SLC8B1: variants seen among roughly 807,000 people sequenced by gnomAD.
The protein encoded by SLC8B1 is solute carrier family 8 member B1, also known as mitochondrial sodium/calcium exchanger protein.
Under a neutral mutation model 63.4 loss-of-function variants are expected in SLC8B1, and 52 were observed. That is an observed-to-expected ratio of 0.82 (90% CI 0.66 to 1.03). SLC8B1 has a LOEUF of 1.03. Among genes scored for constraint, SLC8B1 ranks in the 50% least tolerant of loss-of-function variants. The pLI is 0.00. For synonymous variants in SLC8B1, 336 were observed against 323.9 expected, an observed-to-expected ratio of 1.04 and a Z score of -0.40; for missense variants, 657 against 741.7, an observed-to-expected ratio of 0.89 and a Z score of 1.33.
chr12:113,328,757 T>C (rs1438459814), intron 2 of SLC8B1, among the ~76,000 whole-genome samples: 1 of 151,512 alleles, frequency 6.6e-6, no homozygotes, highest in African/African-American at 2.4e-5. Context: ...TTTTTTTTTT[T>C]TTTTCCTTTT....
At chr12:113,327,861 G>A (rs1411328392) in intron 2 of SLC8B1, among the ~76,000 whole-genome samples, 3 of 150,636 alleles carry the variant, frequency 2.0e-5, no homozygotes, top group Non-Finnish European at 4.4e-5. Flanking sequence ...GTCTGTAATC[G>A]CAGCTACTTG....
chr12:113,309,429 A>G (rs990164672), intron 12 of SLC8B1, among the ~76,000 whole-genome samples: 1 of 152,172 alleles, frequency 6.6e-6, no homozygotes, highest in Non-Finnish European at 1.5e-5. Flanking sequence ...GACACCCACA[A>G]AGGCCATCCC....
At chr12:113,321,473 G>T in intron 2 of SLC8B1, 125 bp from the exon 3 acceptor site, 2 of 1,230,174 alleles carry the variant, frequency 1.6e-6, no homozygotes, top group Non-Finnish European at 1.1e-6. Context: ...TACCCTCTGG[G>T]TGCCAACTAT....
rs964382768 is a variant in SLC8B1, at chr12:113,319,838, G to T, written c.694+493C>A. On this transcript the variant is annotated intron_variant, in intron 7 of 15. Coordinates refer to ENST00000680972, the MANE Select transcript of SLC8B1 (RefSeq NM_001358345.2). ...AGAGTCTTGCTCTGTTGCCCAGGCT[G>T]GAGTGCCATGGCACAATCATGGGTC... The T allele has an allele frequency of 3.8e-5, 6 of 157,768 alleles. No individual in the cohort carries two copies. The South Asian group carries it at 1.1e-3, about 30-fold the overall frequency. 9.8% of individuals were successfully genotyped at this position (157,768 alleles called of 1,614,324 possible).
rs148148745 is a variant in SLC8B1, at chr12:113,299,465, C to T, written c.*312G>A. 1,049 of 349,656 alleles carry T rather than the reference C, an allele frequency of 3.0e-3. 7 individuals are homozygous for T. Among genetic ancestry groups the T allele is most frequent in the African/African-American group, 0.019 (919 of 47,858 alleles). 21.7% of individuals were successfully genotyped at this position (349,656 alleles called of 1,614,324 possible). ...CTGGAGCACATCCAGCCATCCCCTTCCCCCAAACTCCAGCCCTTCTCAGAG... is the reference window on the plus strand; with the variant it reads ...CTGGAGCACATCCAGCCATCCCCTTTCCCCAAACTCCAGCCCTTCTCAGAG... On this transcript the variant is annotated 3_prime_UTR_variant, in exon 16 of 16. Transcript: ENST00000680972.
chr12:113,307,624 TGG>T, intron 13 of SLC8B1, 65 bp downstream of exon 13: 1 of 1,559,252 alleles, frequency 6.4e-7, no homozygotes, highest in Non-Finnish European at 8.7e-7. Context: ...CGACTCTGGC[TGG>T]GGGAGGAAAG....
chr12:113,305,170 G>A lies in SLC8B1; in HGVS notation c.1493-785C>T, dbSNP rs1370360357. 6.6e-6 allele frequency among the ~76,000 whole-genome samples: 1 copy of A among 152,242 alleles called. No homozygotes were observed. The highest frequency in any genetic ancestry group is 1.5e-5 in the Non-Finnish European group (1 of 68,038). The stretch of plus-strand genomic sequence containing the variant: ...GGGAACTGGTGATAGTGTGTGGGCC[G>A]AGGCCATCTCTAGGGGTCGTTCAGG... On this transcript the variant is annotated intron_variant, in intron 14 of 15. Coordinates refer to ENST00000680972, the MANE Select transcript of SLC8B1 (RefSeq NM_001358345.2). The surrounding 1 kb of genome is among the most constrained non-coding windows in gnomAD (Gnocchi z 4.3).
chr12:113,306,515 CA>C lies in SLC8B1; in HGVS notation c.1471del (p.Cys491AlafsTer28). 6.2e-7 allele frequency: 1 copy of C among 1,613,336 alleles called. No individual in the cohort carries two copies. On this transcript the variant is annotated frameshift_variant, in exon 14 of 16. Coordinates refer to ENST00000680972, the MANE Select transcript of SLC8B1 (RefSeq NM_001358345.2). LOFTEE classifies it high-confidence loss of function. ...QGYPRMAFSA[C>X]FGGIIFNILV... ...GATACTGAAGATGATGCCGCCAAAG[CA>C]GGCGGAGAACGCCATCCGTGGGTAG...
chr12:113,320,889 C>T lies in SLC8B1; in HGVS notation c.381G>A (p.Ser127=), dbSNP rs528054538. 24 of 1,606,726 alleles carry T rather than the reference C, an allele frequency of 1.5e-5. No homozygotes were observed. The Middle Eastern group carries it at 6.6e-4, about 44-fold the overall frequency. Residue 127 remains serine, a synonymous_variant, in exon 5 of 16, where the codon TCG becomes TCA. Coordinates refer to ENST00000680972, the MANE Select transcript of SLC8B1 (RefSeq NM_001358345.2). The surrounding 1 kb of genome is among the most constrained non-coding windows in gnomAD (Gnocchi z 5.3). ...AGAGCTTCAGTGTGGTAGAAATGGC[C>T]GACAAGTTGGGGCAGAAACTACGGA... ...TAAKFFCPNL[S]AISTTLKLSH... is the part of the protein sequence containing the mutation.
In SLC8B1 at chr12:113,332,916, C is replaced by A. The variant is rs1233650242; in HGVS notation, c.-38G>T. ...GGCCTGGCCCTTACTCTCCACTTCC[C>A]TTTCTGCAGTAGCTCAGTTCCAAAC... On this transcript the variant is annotated 5_prime_UTR_variant, in exon 2 of 16. In the 5' UTR this introduces an upstream ATG that the reference lacks. Transcript: ENST00000680972. 1 of 1,606,702 alleles carries A rather than the reference C, an allele frequency of 6.2e-7. No homozygotes were observed. The highest frequency in any genetic ancestry group is 8.5e-7 in the Non-Finnish European group (1 of 1,177,552).
At chr12:113,316,740 T>C in intron 9 of SLC8B1, 84 bp from the exon 10 acceptor site, 1 of 1,573,886 alleles carries the variant, frequency 6.4e-7, no homozygotes, top group South Asian at 1.2e-5. Flanking sequence ...CCACCAGTCC[T>C]CCCAGCCCTA....
rs576960151 is a variant in SLC8B1, at chr12:113,314,100, G to C, written c.1135+1235C>G. 2.8e-4 allele frequency among the ~76,000 whole-genome samples: 43 copies of C among 152,380 alleles called. No individual in the cohort carries two copies. The East Asian group carries it at 7.3e-3, about 26-fold the overall frequency. ...CCCTGGATTTGCCCTGGCCTGAAAG[G>C]CAAGGCTTCCCCGCTCCGTAGAGAA... On this transcript the variant is annotated intron_variant, in intron 11 of 15. Coordinates refer to ENST00000680972, the MANE Select transcript of SLC8B1 (RefSeq NM_001358345.2).
In SLC8B1 at chr12:113,320,697, C is replaced by A. The variant is rs1310234123; in HGVS notation, c.421-11G>T. ...CAGGAAGGTGACGCCATGTGGGGAG[C>A]ATGTCAAGGCGGGCCAGGATCGCAG... On this transcript the variant is annotated splice_polypyrimidine_tract_variant and intron_variant, in intron 5 of 15. Transcript: ENST00000680972. The surrounding 1 kb of genome is among the most constrained non-coding windows in gnomAD (Gnocchi z 5.3). The A allele has an allele frequency of 6.2e-7, 1 of 1,611,608 alleles. No homozygotes were observed. The highest frequency in any genetic ancestry group is 1.3e-5 in the African/African-American group (1 of 74,928).
chr12:113,333,948 A>T (rs1339872378), intron 1 of SLC8B1, among the ~76,000 whole-genome samples: 1 of 152,196 alleles, frequency 6.6e-6, no homozygotes, highest in African/African-American at 2.4e-5. Context: ...GCCTCAAGTG[A>T]TCTGCCGGCC....
chr12:113,317,772 TTGTA>T (rs1449060485), intron 8 of SLC8B1, among the ~76,000 whole-genome samples: 1 of 105,486 alleles, frequency 9.5e-6, no homozygotes, highest in South Asian at 3.4e-4. Flanking sequence ...GTGCATGTAT[TTGTA>T]TGTGTGTTGT....
Position 113,320,162 on chromosome 12 carries a change from A to T in SLC8B1, c.694+169T>A. ...TCTGCCAGGCCTCTTTGGTTATGTG[A>T]CCCACATGTTCCCATTTTTGCTCAA... is the stretch of plus-strand genomic sequence containing the variant. On this transcript the variant is annotated intron_variant, in intron 7 of 15. Coordinates refer to ENST00000680972, the MANE Select transcript of SLC8B1 (RefSeq NM_001358345.2). This position sits in a 1 kb window ranked among gnomAD's most constrained non-coding sequence, Gnocchi z 5.3. 1 of 759,190 alleles carries T rather than the reference A, an allele frequency of 1.3e-6. No individual in the cohort carries two copies. Among genetic ancestry groups the T allele is most frequent in the Non-Finnish European group, 2.1e-6 (1 of 473,574 alleles). 47.0% of individuals were successfully genotyped at this position (759,190 alleles called of 1,614,324 possible).
At chr12:113,323,250 G>A (rs1956954864) in intron 2 of SLC8B1, among the ~76,000 whole-genome samples, 1 of 152,212 alleles carries the variant, frequency 6.6e-6, no homozygotes, top group Non-Finnish European at 1.5e-5. Flanking sequence ...TCAAGGCCCT[G>A]ACAAGGGATC....
At chr12:113,328,512 T>G (rs67591431) in intron 2 of SLC8B1, among the ~76,000 whole-genome samples, 18,556 of 152,154 alleles carry the variant, frequency 0.12, 1,289 homozygotes, top group African/African-American at 0.2. Flanking sequence ...TTGGTCCCTG[T>G]GTTCTGCCCT....
intron 2 of SLC8B1, 92 bp downstream of exon 2, chr12:113,332,631 C>T (rs980714461): frequency 5.1e-5 from 73 of 1,430,138 alleles, no homozygotes; most frequent in Non-Finnish European, 1.0e-5. Context: ...AGGCTGCGGT[C>T]AGTGCCTGGC....
Sources: gnomAD v4.1 joint callset for allele counts (sites outside exome capture counted in the v4.1 genomes callset) on GRCh38, gnomAD v4.1.1 for gene constraint, Gnocchi (gnomAD v3.1) non-coding constraint, MANE v1.5 for transcripts, NCBI Gene and HGNC (gene_info 2026-07-23, HGNC 2026-07-21) for gene names.